Variants in AKAP6 observed in about 807,000 individuals in gnomAD.
The protein encoded by AKAP6 is A-kinase anchor protein 6.
A neutral mutation model predicts 188.5 loss-of-function variants in AKAP6; 58 were observed. The observed-to-expected ratio is 0.31, with a 90% CI of 0.25 to 0.38. AKAP6 has a LOEUF of 0.38. AKAP6 is among the 10% of genes least tolerant of loss of function. AKAP6 has a pLI of 1.00. For missense variants in AKAP6, 2,710 were observed against 2,740.0 expected (o/e 0.99, Z 0.24); for synonymous variants, 989 against 998.6 (o/e 0.99, Z 0.18).
intron 1 of AKAP6, among the ~76,000 whole-genome samples, chr14:32,432,521 CA>C (rs1255778475): frequency 3.9e-5 from 6 of 151,996 alleles, no homozygotes. Context: ...TCCATATAAC[CA>C]AATATTAATG....
intron 9 of AKAP6, among the ~76,000 whole-genome samples, chr14:32,719,484 A>G (rs973355043): frequency 6.6e-6 from 1 of 152,248 alleles, no homozygotes; most frequent in Non-Finnish European, 1.5e-5. Context: ...CAATGGTTAC[A>G]GTGTTCTACT....
chr14:32,423,213 A>G (rs1258456585), intron 1 of AKAP6, among the ~76,000 whole-genome samples: 6 of 152,126 alleles, frequency 3.9e-5, no homozygotes, highest in Non-Finnish European at 8.8e-5. Flanking sequence ...TTTGTCACCC[A>G]GGCTGGAATA....
At chr14:32,664,288 A>ATCAG (rs1888828222) in intron 7 of AKAP6, among the ~76,000 whole-genome samples, 1 of 152,130 alleles carries the variant, frequency 6.6e-6, no homozygotes, top group Non-Finnish European at 1.5e-5. Context: ...ATCAATCTAT[A>ATCAG]CAGTGATAAA....
chr14:32,578,383 A>G (rs563592251), intron 5 of AKAP6, among the ~76,000 whole-genome samples: 1 of 152,224 alleles, frequency 6.6e-6, no homozygotes, highest in African/African-American at 2.4e-5. Context: ...GGATGAGTGT[A>G]TTGCTTCCCT....
intron 2 of AKAP6, among the ~76,000 whole-genome samples, chr14:32,532,348 G>A (rs1280203418): frequency 6.6e-6 from 1 of 152,164 alleles, no homozygotes; most frequent in Non-Finnish European, 1.5e-5. Context: ...ATCTGCTTCT[G>A]TGGGAATGGG....
chr14:32,726,314 G>A (rs1202136103), intron 9 of AKAP6: 3 of 644,128 alleles, frequency 4.7e-6, no homozygotes, highest in Non-Finnish European at 5.8e-6. Flanking sequence ...CCCAAATGAA[G>A]GGTTCTGTAA....
At chr14:32,674,719 G>A (rs755451282) in intron 7 of AKAP6, among the ~76,000 whole-genome samples, 23 of 152,210 alleles carry the variant, frequency 1.5e-4, no homozygotes, top group Non-Finnish European at 2.8e-4. Context: ...AAGTAGCGAT[G>A]TCAGGTGATT....
At chr14:32,631,234 C>T (rs990301023) in intron 7 of AKAP6, among the ~76,000 whole-genome samples, 7 of 151,826 alleles carry the variant, frequency 4.6e-5, no homozygotes, top group Admixed American at 1.3e-4. Context: ...ATTCTTTGAG[C>T]GCCCCGTATA....
intron 2 of AKAP6, among the ~76,000 whole-genome samples, chr14:32,486,938 A>G (rs61258274): frequency 0.015 from 2,279 of 152,244 alleles, 69 homozygotes; most frequent in African/African-American, 0.052. Context: ...ATTCGGTATG[A>G]TATTGGCTGT....
At chr14:32,398,240 A>G (rs1888942858) in intron 1 of AKAP6, among the ~76,000 whole-genome samples, 1 of 152,238 alleles carries the variant, frequency 6.6e-6, no homozygotes, top group African/African-American at 2.4e-5. Flanking sequence ...CCCCAAATGC[A>G]GTGAGGCTCT....
chr14:32,725,038 G>A (rs1382286115), intron 9 of AKAP6, among the ~76,000 whole-genome samples: 3 of 122,546 alleles, frequency 2.4e-5, no homozygotes, highest in African/African-American at 9.1e-5. Context: ...GAATAGACAG[G>A]CTGACAACAA....
At chr14:32,595,091 C>T (rs182026814) in intron 5 of AKAP6, among the ~76,000 whole-genome samples, 4 of 152,022 alleles carry the variant, frequency 2.6e-5, no homozygotes, top group South Asian at 4.1e-4. Flanking sequence ...AATATGAGCA[C>T]GCAGAAACAT....
chr14:32,517,210 T>C (rs141456599), intron 2 of AKAP6, among the ~76,000 whole-genome samples: 6 of 152,342 alleles, frequency 3.9e-5, no homozygotes, highest in African/African-American at 1.4e-4. Flanking sequence ...CCTTTATGAA[T>C]TTTACCTGTA....
intron 7 of AKAP6, among the ~76,000 whole-genome samples, chr14:32,618,531 C>CT (rs1320892441): frequency 1.3e-5 from 2 of 152,128 alleles, no homozygotes; most frequent in Non-Finnish European, 2.9e-5. Context: ...TTATTTTGTT[C>CT]TTTTTTATGA....
chr14:32,750,595 G>A (rs552469364), intron 11 of AKAP6, among the ~76,000 whole-genome samples: 17 of 152,064 alleles, frequency 1.1e-4, no homozygotes, highest in African/African-American at 3.6e-4. Context: ...TCTAAGTGTG[G>A]TGGTGGGTGC....
At chr14:32,385,811 G>A (rs901296596) in intron 1 of AKAP6, among the ~76,000 whole-genome samples, 47 of 149,648 alleles carry the variant, frequency 3.1e-4, no homozygotes, top group Middle Eastern at 3.5e-3. Context: ...ATGATATATC[G>A]TATTCCTATA....
intron 4 of AKAP6, among the ~76,000 whole-genome samples, chr14:32,573,082 T>TC (rs1238602914): frequency 7.2e-5 from 11 of 152,116 alleles, no homozygotes; most frequent in Admixed American, 7.2e-4. Context: ...CTCCATGTGC[T>TC]CCTGGACAGC....
intron 1 of AKAP6, among the ~76,000 whole-genome samples, chr14:32,387,587 T>C (rs1888574430): frequency 6.6e-6 from 1 of 150,902 alleles, no homozygotes; most frequent in South Asian, 2.1e-4. Flanking sequence ...TTTTTCTGCA[T>C]CTATTGAGAC....
chr14:32,754,339 GC>G (rs1377861080), intron 11 of AKAP6, among the ~76,000 whole-genome samples: 1 of 152,054 alleles, frequency 6.6e-6, no homozygotes, highest in Non-Finnish European at 1.5e-5. Context: ...CATGGAGTAT[GC>G]AACTGATGTT....
Sources: allele counts gnomAD v4.1 joint callset (sites outside exome capture counted in the v4.1 genomes callset), GRCh38; gene constraint gnomAD v4.1.1; transcripts MANE v1.5; gene names NCBI Gene and HGNC (gene_info 2026-07-23, HGNC 2026-07-21).